Variants in UBAP2 observed in about 807,000 individuals in gnomAD.
The protein encoded by UBAP2 is ubiquitin-associated protein 2.
In UBAP2, 75 loss-of-function variants were observed where a neutral mutation model predicts 139.6. That is an observed-to-expected ratio of 0.54 (90% confidence interval 0.45 to 0.65). The LOEUF is 0.65. Ranked by LOEUF, UBAP2 falls within the 30% of genes least tolerant of loss-of-function variation. The pLI is 0.00. For synonymous variants in UBAP2, 526 were observed against 526.2 expected, an observed-to-expected ratio of 1.00 and a Z score of 0.01; for missense variants, 1,368 against 1,369.6, an observed-to-expected ratio of 1.00 and a Z score of 0.02.
At chr9:34,046,480 G>A (rs1223416497) in intron 1 of UBAP2, among the ~76,000 whole-genome samples, 2 of 151,368 alleles carry the variant, frequency 1.3e-5, no homozygotes, top group Admixed American at 6.6e-5. Context: ...CATCTCTACT[G>A]AAAAATACAA....
chr9:33,992,713 C>T (rs1156276142), intron 4 of UBAP2, among the ~76,000 whole-genome samples: 1 of 151,858 alleles, frequency 6.6e-6, no homozygotes, highest in Non-Finnish European at 1.5e-5. Flanking sequence ...TTTACAATAC[C>T]ATAGTAACTG....
intron 22 of UBAP2, among the ~76,000 whole-genome samples, chr9:33,925,731 CTTT>C (rs1484842822): frequency 6.6e-6 from 1 of 152,230 alleles, no homozygotes; most frequent in Non-Finnish European, 1.5e-5. Flanking sequence ...TCCGTCAGCT[CTTT>C]GTGGTGCAGC....
At position 33,933,660 on chromosome 9, in the gene UBAP2, A is replaced by T. The variant is rs769971066; in HGVS notation, c.1970-32T>A. On this transcript the variant is annotated intron_variant, in intron 17 of 28. Transcript: ENST00000379238. ...CAGATGAAGTAGCTGTAAGAAGCAG[A>T]TCTGTTTATTTCTAAAACCAATCCT... 5.6e-6 allele frequency: 9 copies of T among 1,610,062 alleles called. No homozygotes were observed. In the East Asian group the frequency reaches 1.6e-4, roughly 28 times the overall value.
intron 8 of UBAP2, among the ~76,000 whole-genome samples, chr9:33,969,821 G>A (rs1425242334): frequency 6.7e-6 from 1 of 148,770 alleles, no homozygotes; most frequent in Admixed American, 6.7e-5. Context: ...AGCCAAGATC[G>A]TGCCATTGCA....
chr9:34,049,159 G>T (rs1827895219), upstream of UBAP2, among the ~76,000 whole-genome samples: 1 of 152,170 alleles, frequency 6.6e-6, no homozygotes, highest in South Asian at 2.1e-4. Context: ...CGCATACAAG[G>T]TGCCCACAAC....
intron 1 of UBAP2, among the ~76,000 whole-genome samples, chr9:34,036,938 TC>T (rs1207483977): frequency 1.4e-5 from 2 of 143,608 alleles, no homozygotes; most frequent in Non-Finnish European, 3.0e-5. Flanking sequence ...CGCCTCAGCC[TC>T]CCAAGTAGGT....
chr9:33,998,937 C>G, intron 2 of UBAP2, 73 bp from the exon 3 acceptor site: 3 of 1,240,340 alleles, frequency 2.4e-6, no homozygotes, highest in Non-Finnish European at 2.3e-6. Context: ...CTGGGTCAAA[C>G]AGATAAGGCT....
intron 8 of UBAP2, among the ~76,000 whole-genome samples, chr9:33,964,692 C>T (rs1827315389): frequency 6.7e-6 from 1 of 149,920 alleles, no homozygotes; most frequent in African/African-American, 2.5e-5. Flanking sequence ...GCCTGGACAA[C>T]AAATTGAGAC....
chr9:33,945,007 A>G (rs901603779), intron 13 of UBAP2, among the ~76,000 whole-genome samples: 2 of 152,118 alleles, frequency 1.3e-5, no homozygotes, highest in Non-Finnish European at 2.9e-5. Context: ...ACTCATGCCT[A>G]TAATGCCAGC....
intron 6 of UBAP2, among the ~76,000 whole-genome samples, chr9:33,985,628 T>C (rs1003102359): frequency 6.6e-6 from 1 of 151,932 alleles, no homozygotes; most frequent in Non-Finnish European, 1.5e-5. Flanking sequence ...CTCATGCAGG[T>C]AGAGAGTGGA....
At chr9:33,926,586 C>A in intron 22 of UBAP2, 31 bp downstream of exon 22, 2 of 1,613,884 alleles carry the variant, frequency 1.2e-6, no homozygotes, top group Non-Finnish European at 1.7e-6. Flanking sequence ...ATTCTGAACC[C>A]TCTGCTCCGA....
chr9:33,928,258 T>G, intron 19 of UBAP2: 1 of 385,288 alleles, frequency 2.6e-6, no homozygotes, highest in Non-Finnish European at 4.6e-6. Context: ...CAACTCTCTG[T>G]AAAAATCCTT....
At chr9:33,924,353 C>T (rs1318054156) in intron 22 of UBAP2, 69 bp from the exon 23 acceptor site, 1 of 1,480,008 alleles carries the variant, frequency 6.8e-7, no homozygotes. Flanking sequence ...AGAACCAGCA[C>T]ATGGAAGTGG....
intron 6 of UBAP2, among the ~76,000 whole-genome samples, chr9:33,980,220 CTTTTTTTTTTTTTTTTTTT>C (rs1173781682): frequency 4.1e-5 from 2 of 49,086 alleles, no homozygotes; most frequent in African/African-American, 1.6e-4. Flanking sequence ...AGTGTCATTT[CTTTTTTTTTTTTTTTTTTT>C]TTTTTTTTTT....
rs1248947386 is a variant in UBAP2, at chr9:33,922,384, G to T, written c.*120C>A. ...CAGTCTGGGAGGCAGACTCCCCACA[G>T]AGGCATGGCTGACACATGTCGGGAA... On this transcript the variant is annotated 3_prime_UTR_variant, in exon 29 of 29. Transcript: ENST00000379238. 3 of 957,264 alleles carry T rather than the reference G, an allele frequency of 3.1e-6. No homozygotes were observed. Among genetic ancestry groups the T allele is most frequent in the Non-Finnish European group, 4.9e-6 (3 of 607,762 alleles). The allele number at this position is 957,264 out of a possible 1,614,324, so 59.3% of individuals were successfully genotyped here. A position where few individuals can be genotyped will look rare whatever the true frequency, so the allele number is the denominator to read the frequency against.
At chr9:33,956,624 C>T (rs1285405345) in intron 10 of UBAP2, among the ~76,000 whole-genome samples, 2 of 151,816 alleles carry the variant, frequency 1.3e-5, no homozygotes, top group African/African-American at 4.8e-5. Context: ...CCATGGCGCC[C>T]GGCTGCAAGT....
At chr9:33,953,201 T>A in intron 12 of UBAP2, 84 bp downstream of exon 12, 1 of 1,260,626 alleles carries the variant, frequency 7.9e-7, no homozygotes, top group East Asian at 2.5e-5. Context: ...TAGAAAGTAA[T>A]TATAAAGCAT....
At chr9:33,990,764 G>A (rs1014570571) in intron 4 of UBAP2, among the ~76,000 whole-genome samples, 7 of 151,214 alleles carry the variant, frequency 4.6e-5, no homozygotes, top group Non-Finnish European at 1.0e-4. Context: ...AGCCTCCCGA[G>A]TAGCTGGGGT....
In UBAP2 at chr9:33,953,388, C is replaced by A. The variant is rs1826266267; in HGVS notation, c.953G>T (p.Gly318Val). The A allele has an allele frequency of 1.9e-6, 3 of 1,614,154 alleles. No homozygotes were observed. Among genetic ancestry groups the A allele is most frequent in the African/African-American group, 1.3e-5 (1 of 75,042 alleles). The part of the protein sequence containing the change: ...ANSFETSQQQ[G>V]FGQALVFTNS... ...TGTGAAGACAAGGGCTTGGCCAAAG[C>A]CCTGCTGTTGGGAAGTTTCAAAGGA... The change falls in exon 12 of 29, where the codon GGC (glycine) becomes GTC (valine). Residue 318 changes from glycine to valine, a missense_variant. Gly to Val is a moderately radical substitution (Grantham distance 109). Coordinates refer to ENST00000379238, the MANE Select transcript of UBAP2 (RefSeq NM_001370062.2).
Sources: gnomAD v4.1 joint callset for allele counts (sites outside exome capture counted in the v4.1 genomes callset) on GRCh38, gnomAD v4.1.1 for gene constraint, MANE v1.5 for transcripts, NCBI Gene and HGNC (gene_info 2026-07-23, HGNC 2026-07-21) for gene names.